Variants in ATR observed in about 807,000 individuals in gnomAD.
ATR encodes the protein ATR checkpoint kinase, also known as serine/threonine-protein kinase ATR.
A neutral mutation model predicts 305.3 loss-of-function variants in ATR; 142 were observed. The ratio of observed to expected loss-of-function variants is 0.47; its 90% CI spans 0.41 to 0.53. ATR has a LOEUF of 0.53. Ranked by LOEUF, ATR falls within the 20% of genes least tolerant of loss-of-function variation. The probability of loss-of-function intolerance (pLI) is 0.00; values close to 1 mark genes in which losing one functional copy is unlikely to be tolerated. For synonymous variants in ATR, 1,050 were observed against 1,068.1 expected (o/e 0.98, Z 0.33); for missense variants, 2,135 against 3,133.1 (o/e 0.68, Z 7.60).
chr3:142,497,493 T>C (rs1393019892), intron 32 of ATR, among the ~76,000 whole-genome samples: 1 of 151,958 alleles, frequency 6.6e-6, no homozygotes, highest in Non-Finnish European at 1.5e-5. Context: ...GAGTTCAAGG[T>C]TGCAGTGAGC....
intron 46 of ATR, chr3:142,450,520 CAT>C (rs1249854227): frequency 6.2e-7 from 1 of 1,605,388 alleles, no homozygotes; most frequent in South Asian, 1.1e-5. Flanking sequence ...GGCTATTTCT[CAT>C]ATCCAGAAAA....
At chr3:142,464,311 G>A (rs2071082667) in intron 41 of ATR, among the ~76,000 whole-genome samples, 1 of 152,056 alleles carries the variant, frequency 6.6e-6, no homozygotes, top group South Asian at 2.1e-4. Context: ...ATTTTTTGTA[G>A]AGACAGGGTT....
chr3:142,465,115 G>T lies in ATR; in HGVS notation c.7023C>A (p.Phe2341Leu). The part of the protein sequence containing the change: ...DLRKDCRLME[F>L]NSLINKCLRK... ...TCCCAACCTTATTAATCAAGGAATT[G>T]AATTCCATTAGTCTACAATCCTTTC... Residue 2341 changes from phenylalanine (F) to leucine (L), a missense_variant, in exon 41 of 47, where the codon TTC (phenylalanine) becomes TTA (leucine). Phe to Leu is a conservative substitution (Grantham distance 22). Coordinates refer to ENST00000350721, the MANE Select transcript of ATR (RefSeq NM_001184.4). 1 of 1,546,336 alleles carries T rather than the reference G, an allele frequency of 6.5e-7. No individual in the cohort carries two copies. Among genetic ancestry groups the T allele is most frequent in the Non-Finnish European group, 8.7e-7 (1 of 1,144,348 alleles).
At chr3:142,506,411 A>C (rs2108358520) in intron 28 of ATR, among the ~76,000 whole-genome samples, 1 of 152,310 alleles carries the variant, frequency 6.6e-6, no homozygotes, top group African/African-American at 2.4e-5. Context: ...ATAACAGAAG[A>C]AGCCAGGCAC....
At chr3:142,528,854 C>CATATATATATATATATATAT (rs1191100552) in intron 21 of ATR, among the ~76,000 whole-genome samples, 20 of 65,710 alleles carry the variant, frequency 3.0e-4, no homozygotes, top group African/African-American at 9.1e-4. Context: ...CTGGAATTAT[C>CATATATATATATATATATAT]ATATATATAT....
intron 29 of ATR, among the ~76,000 whole-genome samples, chr3:142,503,927 T>G (rs1191096043): frequency 2.0e-5 from 3 of 152,254 alleles, no homozygotes; most frequent in African/African-American, 7.2e-5. Flanking sequence ...AAGATTGTCA[T>G]ATTTCTCACA....
intron 21 of ATR, among the ~76,000 whole-genome samples, chr3:142,527,280 T>A (rs998792145): frequency 8.5e-5 from 13 of 152,172 alleles, no homozygotes; most frequent in Non-Finnish European, 1.8e-4. Context: ...CCAGGACAAT[T>A]TAAACACCAC....
chr3:142,510,498 G>A (rs1050409496), intron 27 of ATR, among the ~76,000 whole-genome samples: 2 of 151,962 alleles, frequency 1.3e-5, no homozygotes, highest in Non-Finnish European at 2.9e-5. Context: ...ACATTCAATA[G>A]TTAAATATAA....
At chr3:142,529,196 A>G (rs4683425) in intron 21 of ATR, among the ~76,000 whole-genome samples, 16,106 of 151,788 alleles carry the variant, frequency 0.11, 1,113 homozygotes, top group Admixed American at 0.19. Context: ...ATATATTAAT[A>G]CCTTTAATAT....
intron 1 of ATR, 61 bp downstream of exon 1, chr3:142,578,585 G>A (rs1364906804): frequency 1.3e-6 from 2 of 1,561,430 alleles, no homozygotes; most frequent in Non-Finnish European, 1.7e-6. Context: ...GGGAGAGCAC[G>A]TGAAACCCAA....
At chr3:142,573,261 C>T (rs886236049) in intron 1 of ATR, among the ~76,000 whole-genome samples, 11 of 151,466 alleles carry the variant, frequency 7.3e-5, no homozygotes, top group Non-Finnish European at 1.3e-4. Flanking sequence ...GGCTGCCCAA[C>T]ATGGTGAAAC....
rs892586356 is a variant in ATR at position 142,503,217 on chromosome 3, A to G, written c.5288+145T>C. The G allele has an allele frequency of 6.6e-6, 4 of 603,514 alleles. No homozygotes were observed. The Admixed American group carries it at 9.6e-5, about 14-fold the overall frequency. The allele number at this position is 603,514 out of a possible 1,614,324, so 37.4% of individuals were successfully genotyped here. On this transcript the variant is annotated intron_variant, in intron 30 of 46. Coordinates refer to ENST00000350721, the MANE Select transcript of ATR (RefSeq NM_001184.4). ...GACTGACTATGAAAAACTTGAGGAA[A>G]AAAAAATGTTGGTGCTTATCTCCAA...
intron 16 of ATR, among the ~76,000 whole-genome samples, chr3:142,545,677 C>T (rs926582321): frequency 3.3e-5 from 5 of 152,162 alleles, no homozygotes; most frequent in Non-Finnish European, 7.4e-5. Flanking sequence ...GAGATGTTCA[C>T]AGCTGTCCCA....
intron 45 of ATR, among the ~76,000 whole-genome samples, chr3:142,455,247 A>C (rs1044733865): frequency 2.0e-5 from 3 of 152,314 alleles, no homozygotes; most frequent in African/African-American, 7.2e-5. Context: ...ACCACAAAAC[A>C]TTGATGAAAA....
chr3:142,554,890 T>G (rs946550622), intron 10 of ATR, among the ~76,000 whole-genome samples: 5 of 151,226 alleles, frequency 3.3e-5, no homozygotes, highest in African/African-American at 1.2e-4. Flanking sequence ...ATTGCGCCAC[T>G]GCACTCTAGC....
At position 142,559,339 on chromosome 3, in the gene ATR, T is replaced by A. The variant is rs1295972483; in HGVS notation, c.1644A>T (p.Arg548Ser). The A allele has an allele frequency of 1.9e-6, 3 of 1,613,966 alleles. No individual in the cohort carries two copies. The South Asian group carries it at 3.3e-5, about 18-fold the overall frequency. ...GTTTCTGAACAGATTCTAACAAACT[T>A]CTACAGCTCTTAAGCACTTTTGTGT... is the stretch of plus-strand genomic sequence containing the variant. ...DFYTKVLKSC[R>S]SLLESVQKLD... The change falls in exon 7 of 47, where the codon AGA becomes AGT. Residue 548 changes from arginine (R) to serine (S), a missense_variant. Physicochemically the swap from Arg to Ser is moderately radical, Grantham distance 110. Around this residue, in one of 9 missense-constraint regions of ATR, gnomAD observed 744 missense variants for 873.2 expected, o/e 0.85. Coordinates refer to ENST00000350721, the MANE Select transcript of ATR (RefSeq NM_001184.4).
chr3:142,541,931 GT>G (rs938550710), intron 17 of ATR, among the ~76,000 whole-genome samples: 3 of 151,980 alleles, frequency 2.0e-5, no homozygotes, highest in African/African-American at 7.2e-5. Flanking sequence ...ATTCGTAGGT[GT>G]TTTTTGTTTG....
chr3:142,561,527 T>C, intron 4 of ATR, 106 bp from the exon 5 acceptor site: 1 of 1,210,722 alleles, frequency 8.3e-7, no homozygotes, highest in Non-Finnish European at 1.2e-6. Context: ...CTAGTGAAAC[T>C]ACTTTTAGAG....
At chr3:142,478,615 G>T (rs1304725114) in intron 36 of ATR, among the ~76,000 whole-genome samples, 1 of 152,120 alleles carries the variant, frequency 6.6e-6, no homozygotes, top group Non-Finnish European at 1.5e-5. Flanking sequence ...TCTGCTTGGG[G>T]CAGAGCTGAA....
Sources: allele counts gnomAD v4.1 joint callset (sites outside exome capture counted in the v4.1 genomes callset), GRCh38; gene constraint gnomAD v4.1.1; regional missense constraint gnomAD v4.1.1; transcripts MANE v1.5; gene names NCBI Gene and HGNC (gene_info 2026-07-23, HGNC 2026-07-21).